The following ATXN1 variants were observed in gnomAD, a reference collection of about 807,000 sequenced individuals.
ATXN1 encodes the protein ataxin-1.
ATXN1 carries 8 observed loss-of-function variants against 56.4 expected under a neutral mutation model. The observed-to-expected ratio is 0.14, with a 90% CI of 0.08 to 0.26. The LOEUF (loss-of-function observed/expected upper bound fraction) is 0.26. ATXN1 is among the 10% of genes least tolerant of loss of function. The pLI is 1.00. For missense variants in ATXN1, 987 were observed against 1,106.5 expected, an observed-to-expected ratio of 0.89 and a Z score of 1.53; for synonymous variants, 514 against 494.6, an observed-to-expected ratio of 1.04 and a Z score of -0.52.
intron 2 of ATXN1, chr6:16,752,881 T>C (rs1294608694): frequency 5.0e-6 from 1 of 198,128 alleles, no homozygotes; most frequent in Non-Finnish European, 1.1e-5. Context: ...TAATCTAAAA[T>C]GCAAAAACTG....
At chr6:16,756,880 G>C (rs1217543230) in intron 1 of ATXN1, among the ~76,000 whole-genome samples, 1 of 152,200 alleles carries the variant, frequency 6.6e-6, no homozygotes, top group Admixed American at 6.5e-5. Flanking sequence ...ATGAGTGTTA[G>C]TGTTAGTCAT....
At chr6:16,390,245 T>C (rs927898916) in intron 6 of ATXN1, among the ~76,000 whole-genome samples, 3 of 152,200 alleles carry the variant, frequency 2.0e-5, no homozygotes, top group Non-Finnish European at 2.9e-5. Context: ...CTGGCAATGG[T>C]AATTCTCACC....
chr6:16,511,730 G>C (rs1581811270), intron 5 of ATXN1, among the ~76,000 whole-genome samples: 1 of 152,288 alleles, frequency 6.6e-6, no homozygotes, highest in East Asian at 1.9e-4. Flanking sequence ...CAGCCTGCTT[G>C]CTAAAAATTC....
At chr6:16,696,134 T>C (rs1256052357) in intron 2 of ATXN1, among the ~76,000 whole-genome samples, 3 of 152,200 alleles carry the variant, frequency 2.0e-5, no homozygotes, top group Non-Finnish European at 2.9e-5. Context: ...AACATGGCTA[T>C]GAATGCCTCA....
At chr6:16,665,155 T>C (rs1425943183) in intron 2 of ATXN1, among the ~76,000 whole-genome samples, 2 of 152,202 alleles carry the variant, frequency 1.3e-5, no homozygotes, top group Non-Finnish European at 2.9e-5. Flanking sequence ...ATTGTGGATA[T>C]TCTTTTTTTA....
intron 3 of ATXN1, among the ~76,000 whole-genome samples, chr6:16,634,298 T>A (rs900083299): frequency 5.4e-4 from 82 of 152,322 alleles, no homozygotes; most frequent in African/African-American, 1.9e-3. Flanking sequence ...TAATCCTACA[T>A]ATGCCTTATA....
chr6:16,551,710 T>C (rs1447728042), intron 4 of ATXN1, among the ~76,000 whole-genome samples: 1 of 152,162 alleles, frequency 6.6e-6, no homozygotes. Context: ...CTGACCTCTC[T>C]TTCCAAGATG....
At chr6:16,593,109 T>C (rs1489512485) in intron 3 of ATXN1, among the ~76,000 whole-genome samples, 1 of 152,214 alleles carries the variant, frequency 6.6e-6, no homozygotes, top group East Asian at 1.9e-4. Context: ...TACAAACCTC[T>C]TGCTAGCTAC....
intron 4 of ATXN1, among the ~76,000 whole-genome samples, chr6:16,581,222 TGTGCGCGC>T (rs1239197157): frequency 3.4e-4 from 44 of 130,472 alleles, no homozygotes; most frequent in African/African-American, 1.4e-3. Context: ...TGTGTGTGTG[TGTGCGCGC>T]GTGTGTGTGT....
At chr6:16,566,594 C>A (rs1370141971) in intron 4 of ATXN1, among the ~76,000 whole-genome samples, 5 of 152,224 alleles carry the variant, frequency 3.3e-5, no homozygotes, top group Non-Finnish European at 4.4e-5. Context: ...TGGCTCACGA[C>A]TGTAATCCCA....
rs189506049 is a variant in ATXN1 at position 16,450,870 on chromosome 6, A to C, written c.-161+35102T>G. ...AAATACAGGTGTCCATCCCCATCCT[A>C]ACCTCTTTCAGCCTCACTTTAGTGG... On this transcript the variant is annotated intron_variant, in intron 6 of 7. Transcript: ENST00000436367. 8.5e-5 allele frequency among the ~76,000 whole-genome samples: 13 copies of C among 152,210 alleles called. No individual in the cohort carries two copies. In the East Asian group the frequency reaches 1.9e-3, roughly 23 times the overall value.
chr6:16,322,013 G>T (rs1330681699), intron 7 of ATXN1, among the ~76,000 whole-genome samples: 2 of 152,176 alleles, frequency 1.3e-5, no homozygotes, highest in African/African-American at 4.8e-5. Context: ...CTTGAGCCCA[G>T]GAGTTCCAGA....
intron 2 of ATXN1, among the ~76,000 whole-genome samples, chr6:16,700,851 G>C (rs1292921576): frequency 6.6e-6 from 1 of 152,180 alleles, no homozygotes; most frequent in Non-Finnish European, 1.5e-5. Context: ...TCATTTCTAA[G>C]TGGAAAACAG....
intron 6 of ATXN1, among the ~76,000 whole-genome samples, chr6:16,484,684 A>G (rs563543177): frequency 6.6e-6 from 1 of 152,306 alleles, no homozygotes; most frequent in Admixed American, 6.5e-5. Flanking sequence ...GAAAATTTGA[A>G]TTTAATAAGC....
At chr6:16,371,980 T>C (rs1292594338) in intron 6 of ATXN1, among the ~76,000 whole-genome samples, 1 of 152,234 alleles carries the variant, frequency 6.6e-6, no homozygotes, top group Non-Finnish European at 1.5e-5. Context: ...TGTGTTATTG[T>C]AAAATTTCTT....
chr6:16,608,834 C>CTAAG (rs1763056056), intron 3 of ATXN1, among the ~76,000 whole-genome samples: 1 of 152,156 alleles, frequency 6.6e-6, no homozygotes, highest in African/African-American at 2.4e-5. Flanking sequence ...ACTTGGTGTG[C>CTAAG]TAAGTGTCCT....
intron 3 of ATXN1, among the ~76,000 whole-genome samples, chr6:16,645,546 G>A (rs1763785895): frequency 6.6e-6 from 1 of 152,078 alleles, no homozygotes; most frequent in Non-Finnish European, 1.5e-5. Context: ...TAGAGGGAGG[G>A]GTGGTGGCCG....
intron 4 of ATXN1, among the ~76,000 whole-genome samples, chr6:16,546,703 GT>G (rs1208796348): frequency 2.0e-5 from 3 of 152,148 alleles, no homozygotes; most frequent in African/African-American, 7.2e-5. Context: ...TAACAGTTAT[GT>G]TTAAGGTATT....
At chr6:16,441,488 T>C (rs1222564025) in intron 6 of ATXN1, among the ~76,000 whole-genome samples, 1 of 151,762 alleles carries the variant, frequency 6.6e-6, no homozygotes, top group East Asian at 1.9e-4. Context: ...GCACAGTTAT[T>C]ATAAGAAGAA....
Sources: allele counts gnomAD v4.1 joint callset (sites outside exome capture counted in the v4.1 genomes callset), GRCh38; gene constraint gnomAD v4.1.1; transcripts MANE v1.5; gene names NCBI Gene and HGNC (gene_info 2026-07-23, HGNC 2026-07-21).